Variants in ZFYVE28 observed in about 807,000 individuals in gnomAD.
The protein encoded by ZFYVE28 is zinc finger FYVE-type containing 28, also known as lateral signaling target protein 2 homolog.
In ZFYVE28, 40 loss-of-function variants were observed where a neutral mutation model predicts 82.1. That is an observed-to-expected ratio of 0.49 (90% CI 0.38 to 0.63). The LOEUF (loss-of-function observed/expected upper bound fraction) is 0.63. Among genes scored for constraint, ZFYVE28 ranks in the 30% least tolerant of loss-of-function variants. ZFYVE28 has a pLI of 0.00. For missense variants in ZFYVE28, 1,321 were observed against 1,242.1 expected (o/e 1.06, Z -0.96); for synonymous variants, 612 against 546.1 (o/e 1.12, Z -1.68).
In ZFYVE28 at chr4:2,341,430, G is replaced by C; in HGVS notation, c.318+48C>G. On this transcript the variant is annotated intron_variant, in intron 3 of 12. Coordinates refer to ENST00000290974, the MANE Select transcript of ZFYVE28 (RefSeq NM_020972.3). The surrounding 1 kb of genome is among the most constrained non-coding windows in gnomAD (Gnocchi z 4.5). ...CACAAGGTTCGCAGGGACTTGGCTA[G>C]ACGCCACCCCACATCAGGACCTCCG... 1.2e-6 allele frequency: 2 copies of C among 1,606,414 alleles called. No individual in the cohort carries two copies. The highest frequency in any genetic ancestry group is 1.7e-6 in the Non-Finnish European group (2 of 1,177,670).
At chr4:2,361,912 T>C (rs1726218289) in intron 1 of ZFYVE28, among the ~76,000 whole-genome samples, 1 of 151,854 alleles carries the variant, frequency 6.6e-6, no homozygotes, top group South Asian at 2.1e-4. Context: ...AGCAGGCAGG[T>C]GGCGGGACAG....
rs1718930773 is a variant in ZFYVE28 at position 2,320,554 on chromosome 4, A to C, written c.702-283T>G. 1.3e-5 allele frequency among the ~76,000 whole-genome samples: 2 copies of C among 152,262 alleles called. No individual in the cohort carries two copies. The highest frequency in any genetic ancestry group is 4.1e-4 in the South Asian group (2 of 4,836). On this transcript the variant is annotated intron_variant, in intron 6 of 12. Transcript: ENST00000290974. The surrounding 1 kb of genome is among the most constrained non-coding windows in gnomAD (Gnocchi z 5.1). ...TAATCAGAAAAGTGTATCTGCACAC[A>C]TCAGTGCTGCAATCAGATAAATTAG...
chr4:2,399,091 A>ATCCAGGGCACAAGCGTGGAGGTGAGG, intron 1 of ZFYVE28, among the ~76,000 whole-genome samples: 2 of 26,864 alleles, frequency 7.4e-5, no homozygotes, highest in African/African-American at 2.5e-4. Flanking sequence ...TGAAGGTGAG[A>ATCCAGGGCACAAGCGTGGAGGTGAGG]TCCAGGGCAC....
intron 7 of ZFYVE28, among the ~76,000 whole-genome samples, chr4:2,312,683 C>T (rs1265975360): frequency 1.5e-4 from 22 of 143,074 alleles, no homozygotes; most frequent in Admixed American, 1.3e-3. Flanking sequence ...AGCGAGATCG[C>T]GCCACTGCGC....
In ZFYVE28 at chr4:2,320,103, C is replaced by T; in HGVS notation, c.803+67G>A. Reference sequence around the variant, plus strand: ...ACCTGGAGGCGGCGGCTAAACATGACTTCAGCGCCCACCTGTGGCCCTCCT... The same window carrying T: ...ACCTGGAGGCGGCGGCTAAACATGATTTCAGCGCCCACCTGTGGCCCTCCT... On this transcript the variant is annotated intron_variant, in intron 7 of 12. Transcript: ENST00000290974. The surrounding 1 kb of genome is among the most constrained non-coding windows in gnomAD (Gnocchi z 5.1). 6.6e-7 allele frequency: 1 copy of T among 1,509,014 alleles called. No homozygotes were observed. Among genetic ancestry groups the T allele is most frequent in the Non-Finnish European group, 9.2e-7 (1 of 1,090,338 alleles). The allele number at this position is 1,509,014 out of a possible 1,614,324, so 93.5% of individuals were successfully genotyped here. A position where few individuals can be genotyped will look rare whatever the true frequency, so the allele number is the denominator to read the frequency against.
intron 7 of ZFYVE28, among the ~76,000 whole-genome samples, chr4:2,314,142 T>C (rs1332927588): frequency 1.3e-5 from 2 of 152,270 alleles, no homozygotes; most frequent in Non-Finnish European, 2.9e-5. Context: ...TGCCTGTTTA[T>C]CAGCATGAAA....
chr4:2,411,348 A>G (rs1732504002), intron 1 of ZFYVE28, among the ~76,000 whole-genome samples: 1 of 152,228 alleles, frequency 6.6e-6, no homozygotes, highest in South Asian at 2.1e-4. Flanking sequence ...CTATCCAACT[A>G]TTCTACATTA....
At chr4:2,346,164 T>TAAAAAAAA (rs34720466) in intron 2 of ZFYVE28, among the ~76,000 whole-genome samples, 2 of 126,488 alleles carry the variant, frequency 1.6e-5, no homozygotes, top group Non-Finnish European at 3.3e-5. Context: ...CCGTCTCTAC[T>TAAAAAAAA]AAAAAAAAAA....
intron 8 of ZFYVE28, among the ~76,000 whole-genome samples, chr4:2,291,523 C>T (rs1713696173): frequency 6.6e-6 from 1 of 152,220 alleles, no homozygotes; most frequent in Admixed American, 6.5e-5. Context: ...CCTGATGCTG[C>T]CAGGAGCAGG....
chr4:2,370,802 C>G (rs1488056575), intron 1 of ZFYVE28, among the ~76,000 whole-genome samples: 1 of 152,214 alleles, frequency 6.6e-6, no homozygotes, highest in East Asian at 1.9e-4. Flanking sequence ...CGCCGGCCAC[C>G]CCTCCTGCCC....
chr4:2,302,907 A>G (rs1255927493), intron 8 of ZFYVE28, among the ~76,000 whole-genome samples: 1 of 152,240 alleles, frequency 6.6e-6, no homozygotes, highest in East Asian at 1.9e-4. Context: ...ATCGTATCCT[A>G]AGTCAGAAAT....
intron 6 of ZFYVE28, among the ~76,000 whole-genome samples, chr4:2,326,042 G>A (rs1219677916): frequency 6.6e-6 from 1 of 152,044 alleles, no homozygotes; most frequent in Non-Finnish European, 1.5e-5. Flanking sequence ...CTTTTGCTAT[G>A]CAGAAGCTTT....
chr4:2,337,877 T>TACACACACAC (rs57325124), intron 4 of ZFYVE28, among the ~76,000 whole-genome samples: 2 of 150,972 alleles, frequency 1.3e-5, no homozygotes, highest in Non-Finnish European at 2.9e-5. Context: ...TCTCTTAAAA[T>TACACACACAC]ACACACACAC....
chr4:2,354,967 C>T (rs1421927237), intron 1 of ZFYVE28, among the ~76,000 whole-genome samples: 1 of 151,566 alleles, frequency 6.6e-6, no homozygotes. Context: ...AAACTCTACG[C>T]TCAGAGGTTC....
chr4:2,410,565 G>A (rs1051677227), intron 1 of ZFYVE28, among the ~76,000 whole-genome samples: 22 of 149,634 alleles, frequency 1.5e-4, no homozygotes, highest in Non-Finnish European at 2.8e-4. Context: ...GCACCATCTC[G>A]GCTCACTGCA....
rs565578365 is a variant in ZFYVE28 at position 2,333,738 on chromosome 4, C to T, written c.701+1967G>A. Among the ~76,000 whole-genome samples the T allele has an allele frequency of 9.8e-5, 15 of 152,314 alleles. No individual in the cohort carries two copies. In the South Asian group the frequency reaches 3.1e-3, roughly 32 times the overall value. Reference sequence around the variant, plus strand: ...TGAGTGCCCTTGGGACAAGGAGACACCTGTACCTGAGGCAAAGGCTCACAG... The same window carrying T: ...TGAGTGCCCTTGGGACAAGGAGACATCTGTACCTGAGGCAAAGGCTCACAG... On this transcript the variant is annotated intron_variant, in intron 6 of 12. Coordinates refer to ENST00000290974, the MANE Select transcript of ZFYVE28 (RefSeq NM_020972.3).
intron 7 of ZFYVE28, among the ~76,000 whole-genome samples, chr4:2,312,494 C>T (rs955105757): frequency 1.8e-4 from 28 of 152,078 alleles, no homozygotes; most frequent in Admixed American, 1.3e-3. Flanking sequence ...TTTGGGAGGC[C>T]GAGGCAGGTG....
intron 1 of ZFYVE28, among the ~76,000 whole-genome samples, chr4:2,386,097 G>A (rs1425280553): frequency 6.6e-6 from 1 of 152,152 alleles, no homozygotes; most frequent in Non-Finnish European, 1.5e-5. Flanking sequence ...CACTCCCACG[G>A]CTGCAGCAGC....
In ZFYVE28 at chr4:2,270,854, G is replaced by T; in HGVS notation, c.2535C>A (p.Ile845=). Residue 845 remains isoleucine, a splice_region_variant and synonymous_variant, in exon 13 of 13, where the codon ATC becomes ATA. Coordinates refer to ENST00000290974, the MANE Select transcript of ZFYVE28 (RefSeq NM_020972.3). ...AGTGCGAGGAGCAGCGCGAGCAGAA[G>T]ATCTGGAATGGGGTTGGGGCAGTGA... ...RKHHCRSCGK[I]FCSRCSSHSA... 1 of 1,612,728 alleles carries T rather than the reference G, an allele frequency of 6.2e-7. No individual in the cohort carries two copies. The highest frequency in any genetic ancestry group is 8.5e-7 in the Non-Finnish European group (1 of 1,179,918).
Sources: allele counts gnomAD v4.1 joint callset (sites outside exome capture counted in the v4.1 genomes callset), GRCh38; gene constraint gnomAD v4.1.1; non-coding constraint Gnocchi (gnomAD v3.1); transcripts MANE v1.5; gene names NCBI Gene and HGNC (gene_info 2026-07-23, HGNC 2026-07-21).